The following DCAF17 variants were observed in gnomAD, a reference collection of about 807,000 sequenced individuals.
DCAF17 encodes the protein DDB1- and CUL4-associated factor 17.
A neutral mutation model predicts 66.0 loss-of-function variants in DCAF17; 48 were observed. The ratio of observed to expected loss-of-function variants is 0.73; its 90% CI spans 0.58 to 0.92. The LOEUF (loss-of-function observed/expected upper bound fraction) is 0.92. Ranked by LOEUF, DCAF17 falls within the 40% of genes least tolerant of loss-of-function variation. DCAF17 has a pLI of 0.00. For missense variants in DCAF17, 562 were observed against 622.8 expected (o/e 0.90, Z 1.04); for synonymous variants, 206 against 214.6 (o/e 0.96, Z 0.35).
rs1430743549 is a variant in DCAF17, at chr2:171,481,734, T to C, written c.*620T>C. The C allele has an allele frequency of 6.6e-6, 3 of 453,962 alleles. No homozygotes were observed. Among genetic ancestry groups the C allele is most frequent in the Admixed American group, 2.3e-5 (1 of 42,570 alleles). The allele number at this position is 453,962 out of a possible 1,614,324, so 28.1% of individuals were successfully genotyped here. ...TCTTTTCTTCCTTGGTTTTGTTCTC[T>C]TGGCTTGATGTTCACATTGAATATT... On this transcript the variant is annotated 3_prime_UTR_variant, in exon 14 of 14. Transcript: ENST00000375255.
chr2:171,453,067 CAG>C (rs1372104111), intron 5 of DCAF17, 55 bp from the exon 6 acceptor site: 2 of 1,206,792 alleles, frequency 1.7e-6, no homozygotes, highest in Non-Finnish European at 2.4e-6. Context: ...CTAATGAAAA[CAG>C]TGTGTTTCTG....
rs1209574167 is a variant in DCAF17, at chr2:171,484,383, C to G, written c.*3269C>G. On this transcript the variant is annotated 3_prime_UTR_variant, in exon 14 of 14. Coordinates refer to ENST00000375255, the MANE Select transcript of DCAF17 (RefSeq NM_025000.4). ...CCATCATTTTATTATGAAAAATGTT[C>G]AAACATACAGTAAAATTGAAAGAAT... 2.6e-6 allele frequency: 1 copy of G among 389,046 alleles called. No homozygotes were observed. The highest frequency in any genetic ancestry group is 4.9e-6 in the Non-Finnish European group (1 of 202,060). The allele number at this position is 389,046 out of a possible 1,614,324, so 24.1% of individuals were successfully genotyped here.
chr2:171,474,972 A>T (rs899054351), intron 10 of DCAF17, among the ~76,000 whole-genome samples: 1 of 152,236 alleles, frequency 6.6e-6, no homozygotes, highest in Non-Finnish European at 1.5e-5. Context: ...TTTTAAGAAC[A>T]TGAAGAAATA....
At position 171,480,091 on chromosome 2, in the gene DCAF17, T is replaced by C. The variant is rs3731980; in HGVS notation, c.1320T>C (p.Ala440=). Residue 440 remains alanine (A), a synonymous_variant, in exon 13 of 14, where the codon GCT becomes GCC. Transcript: ENST00000375255. ...AGTTAGATTTGCTTTCTGTGGTAGC[T>C]GTTACTCAAATAGATGCTGAAGGAA... ...EDELDLLSVV[A]VTQIDAEGKA... 2,024 of 1,613,878 alleles carry C rather than the reference T, an allele frequency of 1.3e-3. 61 individuals carry two copies. The East Asian group carries it at 0.033, about 27-fold the overall frequency.
At position 171,481,180 on chromosome 2, in the gene DCAF17, A is replaced by G. The variant is rs758318127; in HGVS notation, c.*66A>G. Reference sequence around the variant, plus strand: ...ACACCCCAGCAGCTGCGTCCAATCCATTTTATTATCTGCATGGCACATTCT... The same window carrying G: ...ACACCCCAGCAGCTGCGTCCAATCCGTTTTATTATCTGCATGGCACATTCT... On this transcript the variant is annotated 3_prime_UTR_variant, in exon 14 of 14. Coordinates refer to ENST00000375255, the MANE Select transcript of DCAF17 (RefSeq NM_025000.4). 4 of 1,596,894 alleles carry G rather than the reference A, an allele frequency of 2.5e-6. No homozygotes were observed. The African/African-American group carries it at 5.4e-5, about 21-fold the overall frequency.
chr2:171,484,532 G>A lies in DCAF17; in HGVS notation c.*3418G>A. On this transcript the variant is annotated 3_prime_UTR_variant, in exon 14 of 14. Coordinates refer to ENST00000375255, the MANE Select transcript of DCAF17 (RefSeq NM_025000.4). ...GCAGTTGCTGATATACTTCCCCCTA[G>A]TACTTCAACTGCAGATTATTAACTA... 2.2e-6 allele frequency: 1 copy of A among 452,108 alleles called. No individual in the cohort carries two copies. Among genetic ancestry groups the A allele is most frequent in the Non-Finnish European group, 4.4e-6 (1 of 226,208 alleles). The allele number at this position is 452,108 out of a possible 1,614,324, so 28.0% of individuals were successfully genotyped here.
chr2:171,448,411 G>A (rs541992811), intron 3 of DCAF17, among the ~76,000 whole-genome samples: 58 of 148,730 alleles, frequency 3.9e-4, no homozygotes, highest in African/African-American at 1.3e-3. Context: ...TAACATTTGT[G>A]AATACTTAAT....
At position 171,481,224 on chromosome 2, in the gene DCAF17, G is replaced by A; in HGVS notation, c.*110G>A. ...ACATTCTCCAGTATTTTCCAAAAAA[G>A]TCTTGTGTTGACTTCAGATGACTAT... On this transcript the variant is annotated 3_prime_UTR_variant, in exon 14 of 14. Coordinates refer to ENST00000375255, the MANE Select transcript of DCAF17 (RefSeq NM_025000.4). The A allele has an allele frequency of 7.2e-7, 1 of 1,393,624 alleles. No individual in the cohort carries two copies. Among genetic ancestry groups the A allele is most frequent in the Non-Finnish European group, 1.0e-6 (1 of 987,038 alleles). 86.3% of individuals were successfully genotyped at this position (1,393,624 alleles called of 1,614,324 possible). A position where few individuals can be genotyped will look rare whatever the true frequency, so the allele number is the denominator to read the frequency against.
chr2:171,483,537 A>G lies in DCAF17; in HGVS notation c.*2423A>G. On this transcript the variant is annotated 3_prime_UTR_variant, in exon 14 of 14. Transcript: ENST00000375255. ...CACAACTCTGGGAGAAAACAAAACAAATCCTATCCTATTTACTATTTGTGC... is the reference window on the plus strand; with the variant it reads ...CACAACTCTGGGAGAAAACAAAACAGATCCTATCCTATTTACTATTTGTGC... 2.2e-6 allele frequency: 1 copy of G among 454,116 alleles called. No individual in the cohort carries two copies. The highest frequency in any genetic ancestry group is 4.4e-6 in the Non-Finnish European group (1 of 226,798). 28.1% of individuals were successfully genotyped at this position (454,116 alleles called of 1,614,324 possible).
intron 9 of DCAF17, among the ~76,000 whole-genome samples, chr2:171,472,462 A>T (rs991807052): frequency 7.2e-5 from 11 of 152,206 alleles, no homozygotes; most frequent in African/African-American, 2.7e-4. Flanking sequence ...TACAGGCGTA[A>T]GCCACTGCCC....
rs72882344 is a variant in DCAF17 at position 171,473,750 on chromosome 2, G to A, written c.982-116G>A. Reference sequence around the variant, plus strand: ...CCTCAAATATATTCCACTTTAACTGGTTAATATTTTTTCTTCCGTGTACCT... The same window carrying A: ...CCTCAAATATATTCCACTTTAACTGATTAATATTTTTTCTTCCGTGTACCT... On this transcript the variant is annotated intron_variant, in intron 9 of 13. Coordinates refer to ENST00000375255, the MANE Select transcript of DCAF17 (RefSeq NM_025000.4). 1,904 of 797,844 alleles carry A rather than the reference G, an allele frequency of 2.4e-3. 3 individuals carry two copies. Among genetic ancestry groups the A allele is most frequent in the Non-Finnish European group, 3.4e-3 (1,582 of 466,326 alleles). 49.4% of individuals were successfully genotyped at this position (797,844 alleles called of 1,614,324 possible). A position where few individuals can be genotyped will look rare whatever the true frequency, so the allele number is the denominator to read the frequency against.
chr2:171,484,422 C>A lies in DCAF17; in HGVS notation c.*3308C>A, dbSNP rs1174792768. ...AATTGAAAGAATTTTATAGTAAATA[C>A]TGACCACGGGGATTCTACATCTTAC... On this transcript the variant is annotated 3_prime_UTR_variant, in exon 14 of 14. Transcript: ENST00000375255. The A allele has an allele frequency of 3.2e-5, 13 of 402,680 alleles. No individual in the cohort carries two copies. In the Admixed American group the frequency reaches 3.5e-4, roughly 11 times the overall value. 24.9% of individuals were successfully genotyped at this position (402,680 alleles called of 1,614,324 possible).
intron 3 of DCAF17, among the ~76,000 whole-genome samples, chr2:171,446,055 C>G (rs1694603402): frequency 1.3e-5 from 2 of 151,996 alleles, no homozygotes; most frequent in Admixed American, 1.3e-4. Context: ...TATCATTGCC[C>G]TGAATCCAGT....
Position 171,482,654 on chromosome 2 carries a change from C to G in DCAF17, c.*1540C>G. ...TTCAGAATAGGATGTCTTAAGACTTCAGTCATGTCAGAGATTTTTTTTTTT... is the reference window on the plus strand; with the variant it reads ...TTCAGAATAGGATGTCTTAAGACTTGAGTCATGTCAGAGATTTTTTTTTTT... On this transcript the variant is annotated 3_prime_UTR_variant, in exon 14 of 14. Coordinates refer to ENST00000375255, the MANE Select transcript of DCAF17 (RefSeq NM_025000.4). 2.2e-6 allele frequency: 1 copy of G among 453,794 alleles called. No individual in the cohort carries two copies. Among genetic ancestry groups the G allele is most frequent in the East Asian group, 6.9e-5 (1 of 14,398 alleles). 28.1% of individuals were successfully genotyped at this position (453,794 alleles called of 1,614,324 possible). A position where few individuals can be genotyped will look rare whatever the true frequency, so the allele number is the denominator to read the frequency against.
At chr2:171,472,459 G>T (rs761236782) in intron 9 of DCAF17, among the ~76,000 whole-genome samples, 9 of 152,178 alleles carry the variant, frequency 5.9e-5, no homozygotes, top group Non-Finnish European at 1.2e-4. Flanking sequence ...GATTACAGGC[G>T]TAAGCCACTG....
intron 10 of DCAF17, chr2:171,474,431 G>T: frequency 5.9e-6 from 1 of 169,134 alleles, no homozygotes; most frequent in Non-Finnish European, 1.3e-5. Flanking sequence ...TGTCATCCCT[G>T]ACACCACAAT....
intron 3 of DCAF17, among the ~76,000 whole-genome samples, chr2:171,446,079 G>C (rs573442682): frequency 2.0e-5 from 3 of 151,714 alleles, no homozygotes; most frequent in Non-Finnish European, 4.4e-5. Flanking sequence ...AGACTTCAAG[G>C]GTTAATAAAC....
In DCAF17 at chr2:171,435,140, G is replaced by A. The variant is rs201346228; in HGVS notation, c.184G>A (p.Glu62Lys). ...TTHSRSPIAY[E>K]RGRIYFDNYR... ...TCATTCCAGGTCACCTATAGCCTAT[G>A]AGAGAGGAAGAATATATTTTGACAA... The change falls in exon 2 of 14, where the codon GAG (glutamate) becomes AAG (lysine). Residue 62 changes from glutamate (E) to lysine (K), a missense_variant. This residue lies in a region of DCAF17 where 348 missense variants were observed against 355.9 expected (regional missense o/e 0.98). Transcript: ENST00000375255. 1,451 of 1,613,690 alleles carry A rather than the reference G, an allele frequency of 9.0e-4. 2 individuals are homozygous for A. Among genetic ancestry groups the A allele is most frequent in the Non-Finnish European group, 1.2e-3 (1,371 of 1,179,658 alleles).
At chr2:171,470,937 A>G (rs1696211746) in intron 9 of DCAF17, among the ~76,000 whole-genome samples, 1 of 152,182 alleles carries the variant, frequency 6.6e-6, no homozygotes, top group Admixed American at 6.5e-5. Flanking sequence ...AGATGCATAG[A>G]TTATATGCAA....
Sources: gnomAD v4.1 joint callset for allele counts (sites outside exome capture counted in the v4.1 genomes callset) on GRCh38, gnomAD v4.1.1 for gene constraint, gnomAD v4.1.1 regional missense constraint, MANE v1.5 for transcripts, NCBI Gene and HGNC (gene_info 2026-07-23, HGNC 2026-07-21) for gene names.